The following ZNF655 variants were observed in gnomAD, a reference collection of about 807,000 sequenced individuals.
The protein encoded by ZNF655 is Vav-interacting Kruppel-like protein 1.
In ZNF655, 3 loss-of-function variants were observed where a neutral mutation model predicts 6.6. The ratio of observed to expected loss-of-function variants is 0.46; its 90% CI spans 0.21 to 1.18. ZNF655 has a LOEUF of 1.18. Ranked by LOEUF, ZNF655 falls within the 50% of genes most tolerant of loss-of-function variation. The pLI is 0.24. For synonymous variants in ZNF655, 178 were observed against 195.0 expected, an observed-to-expected ratio of 0.91 and a Z score of 0.73; for missense variants, 526 against 572.3, an observed-to-expected ratio of 0.92 and a Z score of 0.83.
At chr7:99,562,080 C>A in intron 2 of ZNF655, 1 of 1,020,314 alleles carries the variant, frequency 9.8e-7, no homozygotes, top group South Asian at 2.0e-5. Flanking sequence ...TTTTCAATAG[C>A]AGACTCCAGT....
In ZNF655 at chr7:99,560,704, G is replaced by A. The variant is rs774592348; in HGVS notation, c.136+9G>A. Reference sequence around the variant, plus strand: ...ACAGGGACTCACTGGGGGTAAGGCAGAGAAAGCACTTCCGTCTGGGAGAGT... The same window carrying A: ...ACAGGGACTCACTGGGGGTAAGGCAAAGAAAGCACTTCCGTCTGGGAGAGT... On this transcript the variant is annotated intron_variant, in intron 2 of 2. Transcript: ENST00000252713. The A allele has an allele frequency of 4.3e-6, 7 of 1,612,748 alleles. No homozygotes were observed. In the South Asian group the frequency reaches 7.7e-5, roughly 18 times the overall value.
intron 1 of ZNF655, among the ~76,000 whole-genome samples, chr7:99,560,215 G>C: frequency 6.6e-6 from 1 of 151,230 alleles, no homozygotes; most frequent in East Asian, 1.9e-4. Context: ...CTCCCGAATA[G>C]CTGGGATTAC....
At chr7:99,564,138 CTG>C (rs1803451233) in intron 2 of ZNF655, 1 of 1,496,740 alleles carries the variant, frequency 6.7e-7, no homozygotes. Flanking sequence ...CAAATTACCT[CTG>C]TTTAATTTCA....
chr7:99,571,384 C>A, intron 2 of ZNF655: 4 of 1,242,336 alleles, frequency 3.2e-6, no homozygotes, highest in Middle Eastern at 4.4e-4. Context: ...CTTTAGGTAA[C>A]AGATGGAGAG....
At chr7:99,563,650 A>C (rs1584248216) in intron 2 of ZNF655, among the ~76,000 whole-genome samples, 1 of 146,750 alleles carries the variant, frequency 6.8e-6, no homozygotes, top group South Asian at 2.1e-4. Flanking sequence ...TTGCTTCTGC[A>C]CTCTTCTTTT....
rs534001677 is a variant in ZNF655, at chr7:99,564,347, C to T, written c.136+3652C>T. The T allele has an allele frequency of 1.2e-4, 138 of 1,135,056 alleles. No individual in the cohort carries two copies. In the African/African-American group the frequency reaches 1.5e-3, roughly 12 times the overall value. The allele number at this position is 1,135,056 out of a possible 1,614,324, so 70.3% of individuals were successfully genotyped here. ...GCTGTGTGCCCCTCCTTTTATGTGG[C>T]GAACACAACCTGCCCCGTATGGTGC... On this transcript the variant is annotated intron_variant, in intron 2 of 2. Coordinates refer to ENST00000252713, the MANE Select transcript of ZNF655 (RefSeq NM_138494.3).
At chr7:99,571,209 A>C (rs1804043520) in intron 2 of ZNF655, 2 of 1,281,626 alleles carry the variant, frequency 1.6e-6, no homozygotes, top group African/African-American at 3.1e-5. Context: ...TTGTTTCTTG[A>C]GATTGGTCCT....
In ZNF655 at chr7:99,573,016, A is replaced by G; in HGVS notation, c.908A>G (p.Tyr303Cys). 1 of 1,614,172 alleles carries G rather than the reference A, an allele frequency of 6.2e-7. No homozygotes were observed. The highest frequency in any genetic ancestry group is 8.5e-7 in the Non-Finnish European group (1 of 1,180,020). The change falls in exon 3 of 3, where the codon TAC becomes TGC. Residue 303 changes from tyrosine (Y) to cysteine (C), a missense_variant. Tyr to Cys is a radical substitution (Grantham distance 194, BLOSUM62 -2). Transcript: ENST00000252713. ...HKKIHTRAKSYKCSSCERVFS... is the reference protein window; with the variant it reads ...HKKIHTRAKSCKCSSCERVFS... Reference sequence around the variant, plus strand: ...AAAATTCACACCAGAGCCAAATCTTACAAATGTAGCAGTTGTGAAAGAGTC... The same window carrying G: ...AAAATTCACACCAGAGCCAAATCTTGCAAATGTAGCAGTTGTGAAAGAGTC...
chr7:99,570,408 CTATT>C (rs1376593153), intron 2 of ZNF655: 4 of 152,220 alleles, frequency 2.6e-5, no homozygotes, highest in Admixed American at 6.5e-5. Context: ...TTTCTTCTAT[CTATT>C]CTGATCTCCT....
chr7:99,564,490 T>G, intron 2 of ZNF655: 2 of 989,538 alleles, frequency 2.0e-6, no homozygotes, highest in Non-Finnish European at 2.4e-6. Flanking sequence ...TCTTTGTGGT[T>G]CTGTACAGAT....
Position 99,573,157 on chromosome 7 carries a change from G to A in ZNF655, c.1049G>A (p.Arg350Lys). ...CHTSYLLEHQ[R>K]VHHEEKAYEY... is the part of the protein sequence containing the mutation. ...ACTTCATACCTACTTGAACATCAGA[G>A]GGTCCATCATGAAGAGAAAGCCTAT... The change falls in exon 3 of 3, where the codon AGG becomes AAG. Residue 350 changes from arginine to lysine, a missense_variant. Coordinates refer to ENST00000252713, the MANE Select transcript of ZNF655 (RefSeq NM_138494.3). The A allele has an allele frequency of 6.2e-7, 1 of 1,614,102 alleles. No homozygotes were observed. Among genetic ancestry groups the A allele is most frequent in the Non-Finnish European group, 8.5e-7 (1 of 1,180,006 alleles).
In ZNF655 at chr7:99,575,133, A is replaced by AGCCTCACTACATTCATCCAGT. The variant is rs1258435614; in HGVS notation, c.*1554_*1574dup. 2 of 152,670 alleles carry AGCCTCACTACATTCATCCAGT rather than the reference A, an allele frequency of 1.3e-5. No homozygotes were observed. Among genetic ancestry groups the AGCCTCACTACATTCATCCAGT allele is most frequent in the Non-Finnish European group, 2.9e-5 (2 of 68,060 alleles). 9.5% of individuals were successfully genotyped at this position (152,670 alleles called of 1,614,324 possible). A position where few individuals can be genotyped will look rare whatever the true frequency, so the allele number is the denominator to read the frequency against. The stretch of plus-strand genomic sequence containing the variant: ...TCAGGGAGCCAACAAGACTCCTAAT[A>AGCCTCACTACATTCATCCAGT]GCCTCACTACATTCATCCAGTGCCT... On this transcript the variant is annotated 3_prime_UTR_variant, in exon 3 of 3. Coordinates refer to ENST00000252713, the MANE Select transcript of ZNF655 (RefSeq NM_138494.3).
intron 2 of ZNF655, chr7:99,571,687 G>A: frequency 6.2e-7 from 1 of 1,604,332 alleles, no homozygotes; most frequent in South Asian, 1.1e-5. Flanking sequence ...TCTATGAGCA[G>A]GATTTCCAAT....
At chr7:99,562,218 G>T (rs1800096993) in intron 2 of ZNF655, 1 of 994,822 alleles carries the variant, frequency 1.0e-6, no homozygotes, top group South Asian at 1.8e-5. Context: ...AGATGTTTAA[G>T]GGTTATGGGC....
intron 2 of ZNF655, 26 bp from the exon 3 acceptor site, chr7:99,572,219 C>T (rs1273228910): frequency 6.5e-7 from 1 of 1,544,440 alleles, no homozygotes; most frequent in African/African-American, 1.4e-5. Context: ...ATTACATTTG[C>T]ATTTTCTATT....
Position 99,573,144 on chromosome 7 carries a change from C to CTT in ZNF655, c.1037_1038dup (p.Glu347LeufsTer46). 1 of 1,614,098 alleles carries CTT rather than the reference C, an allele frequency of 6.2e-7. No individual in the cohort carries two copies. On this transcript the variant is annotated frameshift_variant, in exon 3 of 3. Coordinates refer to ENST00000252713, the MANE Select transcript of ZNF655 (RefSeq NM_138494.3). LOFTEE classifies it low-confidence loss of function (END_TRUNC). ...TGACTTCTGCCATACTTCATACCTA[C>CTT]TTGAACATCAGAGGGTCCATCATGA...
At chr7:99,564,229 G>T in intron 2 of ZNF655, 1 of 1,362,858 alleles carries the variant, frequency 7.3e-7, no homozygotes, top group Non-Finnish European at 9.4e-7. Flanking sequence ...ATGGTTGGTG[G>T]TCATCATCTA....
chr7:99,561,903 A>G (rs1803207293), intron 2 of ZNF655: 13 of 1,577,682 alleles, frequency 8.2e-6, no homozygotes, highest in Admixed American at 1.8e-5. Context: ...CCTGTTCCTC[A>G]GGTGCCTGCT....
intron 2 of ZNF655, among the ~76,000 whole-genome samples, chr7:99,562,821 A>G (rs1272663935): frequency 6.6e-6 from 1 of 151,340 alleles, no homozygotes; most frequent in Non-Finnish European, 1.5e-5. Context: ...TGTAGGAGAG[A>G]CCCCAGGGTG....
Sources: gnomAD v4.1 joint callset for allele counts (sites outside exome capture counted in the v4.1 genomes callset) on GRCh38, gnomAD v4.1.1 for gene constraint, MANE v1.5 for transcripts, NCBI Gene and HGNC (gene_info 2026-07-23, HGNC 2026-07-21) for gene names.